Variants in SEC22A observed in about 807,000 individuals in gnomAD.
The protein encoded by SEC22A is vesicle-trafficking protein SEC22a.
SEC22A carries 22 observed loss-of-function variants against 35.3 expected under a neutral mutation model. The ratio of observed to expected loss-of-function variants is 0.62; its 90% CI spans 0.45 to 0.89. The LOEUF is 0.89. Ranked by LOEUF, SEC22A falls within the 40% of genes least tolerant of loss-of-function variation. The probability of loss-of-function intolerance (pLI) is 0.00; values close to 1 mark genes in which losing one functional copy is unlikely to be tolerated. For synonymous variants in SEC22A, 119 were observed against 129.5 expected (o/e 0.92, Z 0.55); for missense variants, 354 against 362.5 (o/e 0.98, Z 0.19).
chr3:123,260,998 G>C (rs1937884198), intron 6 of SEC22A, among the ~76,000 whole-genome samples: 1 of 151,978 alleles, frequency 6.6e-6, no homozygotes, highest in African/African-American at 2.4e-5. Context: ...ACCATGCCTA[G>C]CTAATTTTTT....
At chr3:123,209,944 A>G (rs1936911659) in intron 2 of SEC22A, among the ~76,000 whole-genome samples, 1 of 152,190 alleles carries the variant, frequency 6.6e-6, no homozygotes, top group Non-Finnish European at 1.5e-5. Flanking sequence ...AGGCAGAGGT[A>G]GCAGCCAGTG....
At chr3:123,268,747 TG>T in intron 6 of SEC22A, among the ~76,000 whole-genome samples, 3 of 152,360 alleles carry the variant, frequency 2.0e-5, no homozygotes, top group South Asian at 4.1e-4. Context: ...AGATTATTTC[TG>T]TTGTCTCCAA....
chr3:123,227,309 C>A (rs1937232588), intron 4 of SEC22A, among the ~76,000 whole-genome samples: 2 of 152,116 alleles, frequency 1.3e-5, no homozygotes, highest in South Asian at 4.1e-4. Context: ...TCCTCCCTTC[C>A]TTCAGCAGAA....
intron 4 of SEC22A, among the ~76,000 whole-genome samples, chr3:123,235,776 C>A (rs1205256778): frequency 6.6e-6 from 1 of 152,046 alleles, no homozygotes; most frequent in Non-Finnish European, 1.5e-5. Context: ...TTATTCAAAG[C>A]CAAAAAGTGT....
At chr3:123,203,846 G>C (rs1936800677) in intron 1 of SEC22A, among the ~76,000 whole-genome samples, 1 of 152,120 alleles carries the variant, frequency 6.6e-6, no homozygotes, top group Admixed American at 6.6e-5. Flanking sequence ...AAAATGTTGG[G>C]ATTGACACAT....
intron 5 of SEC22A, among the ~76,000 whole-genome samples, chr3:123,258,351 A>G (rs2108095772): frequency 6.6e-6 from 1 of 152,276 alleles, no homozygotes; most frequent in South Asian, 2.1e-4. Flanking sequence ...TCTTTGTATA[A>G]TCTGTATTTT....
intron 4 of SEC22A, among the ~76,000 whole-genome samples, chr3:123,245,610 G>T (rs1937560042): frequency 6.6e-6 from 1 of 152,002 alleles, no homozygotes; most frequent in African/African-American, 2.4e-5. Context: ...GAGGCACGAG[G>T]GTCGCTTGAG....
At position 123,225,135 on chromosome 3, in the gene SEC22A, A is replaced by G; in HGVS notation, c.379A>G (p.Asn127Asp). 6.2e-7 allele frequency: 1 copy of G among 1,612,384 alleles called. No individual in the cohort carries two copies. Among genetic ancestry groups the G allele is most frequent in the South Asian group, 1.1e-5 (1 of 90,836 alleles). The change falls in exon 4 of 7, where the codon AAT (asparagine) becomes GAT (aspartate). Residue 127 changes from asparagine (N) to aspartate (D), a missense_variant. By Grantham distance (23) the Asn-to-Asp change is conservative. Transcript: ENST00000492595. Reference protein sequence around the residue: ...NFIQRTKQRYNNPRSLSTKIN... With the variant: ...NFIQRTKQRYDNPRSLSTKIN... ...CATTCAGAGGACCAAGCAGCGATAT[A>G]ATAATCCCAGGTCTCTTTCAACAAA...
intron 4 of SEC22A, among the ~76,000 whole-genome samples, chr3:123,231,253 A>G (rs1937320006): frequency 6.6e-6 from 1 of 152,198 alleles, no homozygotes; most frequent in African/African-American, 2.4e-5. Context: ...GGATAGAACA[A>G]TTAGGCAGAA....
At position 123,257,713 on chromosome 3, in the gene SEC22A, G is replaced by A. The variant is rs183965155; in HGVS notation, c.658-1811G>A. ...GACTCAATCTCGAAAGAAAGAGGCC[G>A]GGTGCAGTGGCTCACGCCTGTAATC... On this transcript the variant is annotated intron_variant, in intron 5 of 6. Coordinates refer to ENST00000492595, the MANE Select transcript of SEC22A (RefSeq NM_012430.5). Among the ~76,000 whole-genome samples, 163 of 147,094 alleles carry A rather than the reference G, an allele frequency of 1.1e-3. 1 individual carries two copies. Among genetic ancestry groups the A allele is most frequent in the African/African-American group, 4.0e-3 (161 of 39,860 alleles).
intron 2 of SEC22A, among the ~76,000 whole-genome samples, chr3:123,218,346 G>A (rs934268865): frequency 1.3e-5 from 2 of 152,142 alleles, no homozygotes; most frequent in Non-Finnish European, 2.9e-5. Context: ...TGGCACCAAA[G>A]CCCAGAAATG....
intron 4 of SEC22A, among the ~76,000 whole-genome samples, chr3:123,245,375 A>G (rs1199271857): frequency 6.6e-6 from 1 of 152,166 alleles, no homozygotes; most frequent in Non-Finnish European, 1.5e-5. Flanking sequence ...GTCTATCCCA[A>G]ATGCAAGTTA....
At chr3:123,208,083 TC>T (rs1936879617) in intron 1 of SEC22A, among the ~76,000 whole-genome samples, 1 of 152,214 alleles carries the variant, frequency 6.6e-6, no homozygotes, top group Non-Finnish European at 1.5e-5. Flanking sequence ...AATCCCTTTT[TC>T]CTTCTCTTTA....
chr3:123,224,249 ACTT>A (rs979170916), intron 3 of SEC22A, among the ~76,000 whole-genome samples: 17 of 151,086 alleles, frequency 1.1e-4, no homozygotes, highest in Admixed American at 6.6e-5. Context: ...AGTTTGCTCA[ACTT>A]CTGATGTAGA....
chr3:123,210,073 G>A (rs901030562), intron 2 of SEC22A, among the ~76,000 whole-genome samples: 5 of 152,354 alleles, frequency 3.3e-5, no homozygotes, highest in Non-Finnish European at 7.3e-5. Flanking sequence ...GGCAAGTTAT[G>A]TAGTGAGTTT....
intron 5 of SEC22A, among the ~76,000 whole-genome samples, chr3:123,250,073 C>A (rs909037743): frequency 2.0e-5 from 3 of 152,092 alleles, no homozygotes; most frequent in African/African-American, 4.8e-5. Context: ...CTTAAAAAGT[C>A]TATTTTAAAA....
intron 4 of SEC22A, among the ~76,000 whole-genome samples, chr3:123,232,980 T>A (rs1288927784): frequency 6.6e-6 from 1 of 151,950 alleles, no homozygotes; most frequent in Non-Finnish European, 1.5e-5. Context: ...AAAAAATTTT[T>A]AAAAATTAGC....
At chr3:123,270,563 T>C (rs1938137221) in intron 6 of SEC22A, among the ~76,000 whole-genome samples, 1 of 152,194 alleles carries the variant, frequency 6.6e-6, no homozygotes, top group East Asian at 1.9e-4. Flanking sequence ...GAGCACTTAC[T>C]ATGTCCCAGG....
At position 123,225,129 on chromosome 3, in the gene SEC22A, C is replaced by T. The variant is rs750453258; in HGVS notation, c.373C>T (p.Arg125Ter). ...FDNFIQRTKQ[R>*]YNNPRSLSTK... is the part of the protein sequence containing the mutation. ...TAACTTCATTCAGAGGACCAAGCAGCGATATAATAATCCCAGGTCTCTTTC... is the reference window on the plus strand; with the variant it reads ...TAACTTCATTCAGAGGACCAAGCAGTGATATAATAATCCCAGGTCTCTTTC... Residue 125 changes from arginine to a stop codon, truncating the protein, a stop_gained, in exon 4 of 7, where the codon CGA (arginine) becomes TGA (stop). Transcript: ENST00000492595. LOFTEE classifies it high-confidence loss of function. The T allele has an allele frequency of 8.1e-6, 13 of 1,609,882 alleles. No individual in the cohort carries two copies. In the Admixed American group the frequency reaches 1.5e-4, roughly 19 times the overall value.
Sources: gnomAD v4.1 joint callset for allele counts (sites outside exome capture counted in the v4.1 genomes callset) on GRCh38, gnomAD v4.1.1 for gene constraint, MANE v1.5 for transcripts, NCBI Gene and HGNC (gene_info 2026-07-23, HGNC 2026-07-21) for gene names.